Variants in LARP4B observed in about 807,000 individuals in gnomAD.
LARP4B encodes la-related protein 4B.
LARP4B carries 12 observed loss-of-function variants against 89.8 expected under a neutral mutation model. That is an observed-to-expected ratio of 0.13 (90% CI 0.09 to 0.22). The LOEUF is 0.22. Ranked by LOEUF, LARP4B falls within the 10% of genes least tolerant of loss-of-function variation. LARP4B has a pLI of 1.00. For missense variants in LARP4B, 757 were observed against 947.7 expected (o/e 0.80, Z 2.64); for synonymous variants, 367 against 363.3 (o/e 1.01, Z -0.12).
chr10:867,145 G>A (rs1429018774), intron 3 of LARP4B, among the ~76,000 whole-genome samples: 1 of 152,238 alleles, frequency 6.6e-6, no homozygotes, highest in Non-Finnish European at 1.5e-5. Flanking sequence ...CAAATCAAGT[G>A]TATGCAGTTA....
chr10:972,836 AGCAGGTCTTG>A, the LARP4B span: 1 of 456,946 alleles, frequency 2.2e-6, no homozygotes, highest in East Asian at 6.9e-5. Flanking sequence ...CATGCTGCCC[AGCAGGTCTTG>A]GCATTACAGA....
chr10:958,498 G>T, the LARP4B span, among the ~76,000 whole-genome samples: 1 of 152,202 alleles, frequency 6.6e-6, no homozygotes, highest in Non-Finnish European at 1.5e-5. Flanking sequence ...GCCAAGAAAA[G>T]CACCTGTGTA....
At chr10:913,480 A>G (rs1033535864) in intron 1 of LARP4B, among the ~76,000 whole-genome samples, 10 of 152,052 alleles carry the variant, frequency 6.6e-5, no homozygotes, top group Non-Finnish European at 2.9e-5. Flanking sequence ...TTTGGTAAAT[A>G]AAGATTAGTT....
rs547761743 is a variant in LARP4B at position 888,233 on chromosome 10, T to C, written c.-39-2473A>G. On this transcript the variant is annotated intron_variant, in intron 1 of 17. Transcript: ENST00000316157. ...TATTCAGGAGGCTGAGACACTAGAA[T>C]TGTTTGAACTTGAGAGAGACAGAGG... 1.8e-3 allele frequency among the ~76,000 whole-genome samples: 278 copies of C among 152,068 alleles called. 1 individual carries two copies. The highest frequency in any genetic ancestry group is 6.3e-3 in the African/African-American group (263 of 41,494).
intron 1 of LARP4B, among the ~76,000 whole-genome samples, chr10:900,618 C>CTTTTTTT (rs907868624): frequency 3.0e-4 from 36 of 118,980 alleles, no homozygotes; most frequent in Non-Finnish European, 4.4e-4. Context: ...GATATATTTC[C>CTTTTTTT]TTTTTTTTTT....
intron 1 of LARP4B, among the ~76,000 whole-genome samples, chr10:899,125 C>T (rs188175808): frequency 8.5e-5 from 13 of 152,240 alleles, no homozygotes; most frequent in African/African-American, 2.2e-4. Flanking sequence ...TAAATATAAG[C>T]TAAATATTTC....
At chr10:904,340 G>A (rs1298989507) in intron 1 of LARP4B, among the ~76,000 whole-genome samples, 1 of 152,164 alleles carries the variant, frequency 6.6e-6, no homozygotes, top group African/African-American at 2.4e-5. Context: ...GATCACTTGA[G>A]CTCAGGAGTT....
intron 5 of LARP4B, among the ~76,000 whole-genome samples, chr10:847,501 C>CATGT (rs1369308164): frequency 6.6e-6 from 1 of 151,788 alleles, no homozygotes; most frequent in Non-Finnish European, 1.5e-5. Flanking sequence ...GACATAGATT[C>CATGT]CTATGTGACA....
intron 1 of LARP4B, among the ~76,000 whole-genome samples, chr10:930,870 G>C (rs1837280641): frequency 6.6e-6 from 1 of 151,736 alleles, no homozygotes; most frequent in African/African-American, 2.4e-5. Context: ...CCGCCTATCC[G>C]GGCTCCGGCG....
the LARP4B span, among the ~76,000 whole-genome samples, chr10:966,424 C>T: frequency 8.1e-3 from 1,232 of 152,304 alleles, 25 homozygotes; most frequent in African/African-American, 0.028. Context: ...CCACTGCACT[C>T]CAGCCTCGTT....
intron 1 of LARP4B, among the ~76,000 whole-genome samples, chr10:911,468 G>A (rs1836663510): frequency 6.6e-6 from 1 of 152,128 alleles, no homozygotes; most frequent in Non-Finnish European, 1.5e-5. Context: ...TTCCTGTCTT[G>A]TTGGTATGAT....
At chr10:913,706 C>T (rs1836738311) in intron 1 of LARP4B, among the ~76,000 whole-genome samples, 8 of 152,114 alleles carry the variant, frequency 5.3e-5, no homozygotes, top group Admixed American at 5.2e-4. Flanking sequence ...ACTAGGAGTT[C>T]GAGACCAGCC....
the LARP4B span, among the ~76,000 whole-genome samples, chr10:957,275 G>T: frequency 6.6e-6 from 1 of 152,060 alleles, no homozygotes; most frequent in African/African-American, 2.4e-5. Flanking sequence ...CGATTATCCT[G>T]CCTCAGCCTC....
chr10:939,424 C>G, the LARP4B span, among the ~76,000 whole-genome samples: 1 of 152,190 alleles, frequency 6.6e-6, no homozygotes, highest in Non-Finnish European at 1.5e-5. Context: ...AGGGCTACAG[C>G]CTTTGCAGAA....
intron 5 of LARP4B, among the ~76,000 whole-genome samples, chr10:858,777 G>A (rs977743014): frequency 2.0e-4 from 31 of 152,224 alleles, no homozygotes; most frequent in African/African-American, 7.5e-4. Flanking sequence ...GAACAAAAAG[G>A]GTGCTTGGCA....
chr10:860,145 A>C, intron 5 of LARP4B, among the ~76,000 whole-genome samples: 1 of 149,658 alleles, frequency 6.7e-6, no homozygotes, highest in Non-Finnish European at 1.5e-5. Flanking sequence ...AGGGGAGTAT[A>C]TGGGAGATCT....
chr10:943,814 G>T, the LARP4B span, among the ~76,000 whole-genome samples: 1 of 152,046 alleles, frequency 6.6e-6, no homozygotes, highest in Non-Finnish European at 1.5e-5. Context: ...GCATTTCCGG[G>T]GTAATTGTGT....
chr10:915,276 C>G (rs1046101015), intron 1 of LARP4B, among the ~76,000 whole-genome samples: 3 of 151,948 alleles, frequency 2.0e-5, no homozygotes, highest in Non-Finnish European at 4.4e-5. Flanking sequence ...CAGAGCAGAC[C>G]CTGTCTCCAG....
chr10:879,576 C>A (rs1041241385), intron 3 of LARP4B, among the ~76,000 whole-genome samples: 4 of 152,202 alleles, frequency 2.6e-5, no homozygotes, highest in Non-Finnish European at 5.9e-5. Context: ...CAGCTCACTG[C>A]AGCCTCGACC....
Sources: gnomAD v4.1 joint callset for allele counts (sites outside exome capture counted in the v4.1 genomes callset) on GRCh38, gnomAD v4.1.1 for gene constraint, MANE v1.5 for transcripts, NCBI Gene and HGNC (gene_info 2026-07-23, HGNC 2026-07-21) for gene names.